The following FGGY variants were observed in gnomAD, a reference collection of about 807,000 sequenced individuals.
The protein encoded by FGGY is FGGY carbohydrate kinase domain containing, also known as FGGY carbohydrate kinase domain-containing protein.
FGGY carries 72 observed loss-of-function variants against 71.3 expected under a neutral mutation model. The ratio of observed to expected loss-of-function variants is 1.01; its 90% CI spans 0.84 to 1.23. FGGY has a LOEUF of 1.23. FGGY is among the 50% of genes most tolerant of loss of function. The pLI is 0.00. For synonymous variants in FGGY, 251 were observed against 250.3 expected (o/e 1.00, Z -0.02); for missense variants, 668 against 682.3 (o/e 0.98, Z 0.23).
intron 6 of FGGY, among the ~76,000 whole-genome samples, chr1:59,495,444 C>G (rs891734014): frequency 2.6e-5 from 4 of 151,838 alleles, no homozygotes; most frequent in Non-Finnish European, 5.9e-5. Flanking sequence ...AGGTTTTCTT[C>G]TAGGGTTTTT....
intron 8 of FGGY, among the ~76,000 whole-genome samples, chr1:59,596,125 G>A (rs2096520920): frequency 6.6e-6 from 1 of 151,924 alleles, no homozygotes; most frequent in Admixed American, 6.6e-5. Flanking sequence ...ACTGTCCCTT[G>A]CCTCTGTGTT....
chr1:59,311,084 C>T, intron 1 of FGGY, among the ~76,000 whole-genome samples: 1 of 152,058 alleles, frequency 6.6e-6, no homozygotes, highest in East Asian at 1.9e-4. Context: ...ATGGAGAAGG[C>T]ATTTCTAATG....
intron 8 of FGGY, among the ~76,000 whole-genome samples, chr1:59,570,385 G>A (rs1399673624): frequency 6.6e-6 from 1 of 152,192 alleles, no homozygotes; most frequent in Admixed American, 6.5e-5. Flanking sequence ...AATGTAAAAT[G>A]AAGGAAAACA....
chr1:59,358,462 C>T (rs558970334), intron 4 of FGGY, among the ~76,000 whole-genome samples: 1 of 151,958 alleles, frequency 6.6e-6, no homozygotes, highest in Non-Finnish European at 1.5e-5. Context: ...GTACCAAGAG[C>T]GAGAGGCTGT....
chr1:59,592,842 G>A (rs985726296), intron 8 of FGGY, among the ~76,000 whole-genome samples: 8 of 151,740 alleles, frequency 5.3e-5, no homozygotes, highest in Non-Finnish European at 8.8e-5. Flanking sequence ...GCTAAATGAC[G>A]AGTTAATGGG....
intron 6 of FGGY, among the ~76,000 whole-genome samples, chr1:59,465,443 G>T (rs559222379): frequency 2.0e-5 from 3 of 152,310 alleles, no homozygotes; most frequent in African/African-American, 7.2e-5. Flanking sequence ...TGGAAAACTG[G>T]CACAAGACAG....
At chr1:59,592,411 T>G (rs1408108380) in intron 8 of FGGY, among the ~76,000 whole-genome samples, 2 of 152,080 alleles carry the variant, frequency 1.3e-5, no homozygotes, top group African/African-American at 4.8e-5. Flanking sequence ...GAAATACCAT[T>G]TGACCCAGCC....
intron 7 of FGGY, among the ~76,000 whole-genome samples, chr1:59,517,041 T>C (rs558452637): frequency 7.2e-4 from 110 of 152,304 alleles, no homozygotes; most frequent in African/African-American, 2.5e-3. Context: ...TGCTGGTTAG[T>C]AAGTTCTCCA....
intron 4 of FGGY, among the ~76,000 whole-genome samples, chr1:59,367,906 C>CT (rs950037805): frequency 2.6e-5 from 4 of 151,880 alleles, no homozygotes; most frequent in South Asian, 2.1e-4. Flanking sequence ...ATAATTTTTT[C>CT]TTTTTTTTAA....
chr1:59,457,146 G>A, intron 6 of FGGY, 70 bp downstream of exon 6: 2 of 1,134,768 alleles, frequency 1.8e-6, no homozygotes. Context: ...TTGTTATTGT[G>A]GTTTGTATGT....
chr1:59,689,166 A>G (rs1477553268), intron 14 of FGGY, among the ~76,000 whole-genome samples: 1 of 152,200 alleles, frequency 6.6e-6, no homozygotes, highest in Non-Finnish European at 1.5e-5. Flanking sequence ...GCTGTTGCAT[A>G]ATCTACTCTC....
At chr1:59,395,193 A>G (rs1483663066) in intron 5 of FGGY, among the ~76,000 whole-genome samples, 3 of 152,040 alleles carry the variant, frequency 2.0e-5, no homozygotes, top group Admixed American at 6.6e-5. Flanking sequence ...TGAAGATACT[A>G]CAGTCTATTC....
rs1328781616 is a variant in FGGY at position 59,553,969 on chromosome 1, C to T, written c.800-155C>T. 7 of 528,772 alleles carry T rather than the reference C, an allele frequency of 1.3e-5. No homozygotes were observed. In the Admixed American group the frequency reaches 2.1e-4, roughly 16 times the overall value. The allele number at this position is 528,772 out of a possible 1,614,324, so 32.8% of individuals were successfully genotyped here. On this transcript the variant is annotated intron_variant, in intron 7 of 15. Transcript: ENST00000303721. ...GGTTTCCTATGCAGGCAAGTATGCC[C>T]TTTGGGTTTCTCCTTGAGACTGCCC...
chr1:59,458,047 A>G (rs2091881907), intron 6 of FGGY, among the ~76,000 whole-genome samples: 1 of 152,256 alleles, frequency 6.6e-6, no homozygotes, highest in South Asian at 2.1e-4. Flanking sequence ...CATGGAATCA[A>G]TAAATGGTAA....
rs977431973 is a variant in FGGY, at chr1:59,538,385, C to T, written c.800-15739C>T. ...ATGTGGAGAAATAGGAACACTTTTA[C>T]ACTGTTGGTGGGACTGTAAACTAGT... On this transcript the variant is annotated intron_variant, in intron 7 of 15. Transcript: ENST00000303721. Among the ~76,000 whole-genome samples the T allele has an allele frequency of 5.3e-5, 8 of 152,082 alleles. No homozygotes were observed. In the South Asian group the frequency reaches 6.2e-4, roughly 12 times the overall value.
At chr1:59,580,690 C>A (rs2096176791) in intron 8 of FGGY, among the ~76,000 whole-genome samples, 1 of 152,132 alleles carries the variant, frequency 6.6e-6, no homozygotes, top group Admixed American at 6.6e-5. Context: ...TAACTGCATG[C>A]AACTGTATGA....
At chr1:59,488,421 A>G (rs1471582933) in intron 6 of FGGY, among the ~76,000 whole-genome samples, 2 of 151,118 alleles carry the variant, frequency 1.3e-5, no homozygotes, top group African/African-American at 4.8e-5. Flanking sequence ...AAAGTATTTC[A>G]TCCAGCATTT....
intron 8 of FGGY, among the ~76,000 whole-genome samples, chr1:59,589,011 C>T (rs1438671357): frequency 2.0e-5 from 3 of 152,130 alleles, no homozygotes; most frequent in Non-Finnish European, 2.9e-5. Flanking sequence ...GATAAAGAGT[C>T]AAGACCCATC....
chr1:59,534,575 C>T (rs1333831588), intron 7 of FGGY, among the ~76,000 whole-genome samples: 2 of 152,066 alleles, frequency 1.3e-5, no homozygotes, highest in Non-Finnish European at 2.9e-5. Flanking sequence ...TAAGGGCAGC[C>T]AGAGAGAAAG....
Sources: allele counts gnomAD v4.1 joint callset (sites outside exome capture counted in the v4.1 genomes callset), GRCh38; gene constraint gnomAD v4.1.1; transcripts MANE v1.5; gene names NCBI Gene and HGNC (gene_info 2026-07-23, HGNC 2026-07-21).